RASGEF1A: variants seen among roughly 807,000 people sequenced by gnomAD.
RASGEF1A encodes ras-GEF domain-containing family member 1A.
In RASGEF1A, 18 loss-of-function variants were observed where a neutral mutation model predicts 56.4. The observed-to-expected ratio is 0.32, with a 90% CI of 0.22 to 0.47. RASGEF1A has a LOEUF of 0.47. Ranked by LOEUF, RASGEF1A falls within the 20% of genes least tolerant of loss-of-function variation. The probability of loss-of-function intolerance (pLI) is 1.00; values close to 1 mark genes in which losing one functional copy is unlikely to be tolerated. For missense variants in RASGEF1A, 422 were observed against 627.1 expected (o/e 0.67, Z 3.49); for synonymous variants, 245 against 242.6 (o/e 1.01, Z -0.09).
intron 1 of RASGEF1A, among the ~76,000 whole-genome samples, chr10:43,257,848 G>A (rs1836451744): frequency 6.6e-6 from 1 of 152,220 alleles, no homozygotes; most frequent in Non-Finnish European, 1.5e-5. Flanking sequence ...AGGGAAAGGT[G>A]TGTCCCCTAG....
rs1413349270 is a variant in RASGEF1A, at chr10:43,250,805, C to T, written c.-7+16040G>A. Among the ~76,000 whole-genome samples the T allele has an allele frequency of 3.3e-5, 5 of 152,224 alleles. No homozygotes were observed. In the East Asian group the frequency reaches 7.7e-4, roughly 23 times the overall value. ...TTCCCACCTGTCACCTGGTCAATGG[C>T]GGCTTCCCAGCTGGAAGGGGCAGAG... On this transcript the variant is annotated intron_variant, in intron 1 of 12. Transcript: ENST00000395810.
At chr10:43,266,213 C>A (rs962988854) in intron 1 of RASGEF1A, among the ~76,000 whole-genome samples, 3 of 152,194 alleles carry the variant, frequency 2.0e-5, no homozygotes, top group Admixed American at 1.3e-4. Flanking sequence ...GGACCAGAAC[C>A]AGCTGCACCT....
intron 4 of RASGEF1A, 128 bp from the exon 5 acceptor site, chr10:43,201,016 C>A: frequency 2.5e-6 from 2 of 814,094 alleles, no homozygotes; most frequent in East Asian, 2.6e-5. Context: ...CTATCTAAAC[C>A]GCAGCCTTCA....
At chr10:43,249,333 A>T (rs1369333246) in intron 1 of RASGEF1A, among the ~76,000 whole-genome samples, 1 of 152,166 alleles carries the variant, frequency 6.6e-6, no homozygotes, top group Non-Finnish European at 1.5e-5. Flanking sequence ...GTAAGCCCTC[A>T]TCCAAGTGGC....
rs533942725 is a variant in RASGEF1A, at chr10:43,196,716, G to A, written c.1349-168C>T. ...CTCAGGCTGCCTGTTGGGGACTCTA[G>A]GAAGGTTCCTCGTGTTGCAGCACCT... On this transcript the variant is annotated intron_variant, in intron 11 of 12. Coordinates refer to ENST00000395810, the MANE Select transcript of RASGEF1A (RefSeq NM_145313.4). The surrounding 1 kb of genome is among the most constrained non-coding windows in gnomAD (Gnocchi z 4.6). 7.2e-5 allele frequency among the ~76,000 whole-genome samples: 11 copies of A among 152,286 alleles called. No homozygotes were observed. The South Asian group carries it at 2.1e-3, about 29-fold the overall frequency.
At chr10:43,244,210 C>A (rs1012109301) in intron 1 of RASGEF1A, among the ~76,000 whole-genome samples, 1 of 152,174 alleles carries the variant, frequency 6.6e-6, no homozygotes. Context: ...GAGTCATCAC[C>A]GTTCCCTAAT....
Position 43,253,250 on chromosome 10 carries a change from G to A in RASGEF1A, c.-7+13595C>T, listed in dbSNP as rs112973310. Among the ~76,000 whole-genome samples the A allele has an allele frequency of 1.1e-4, 17 of 152,276 alleles. 3 individuals carry two copies. Among genetic ancestry groups the A allele is most frequent in the East Asian group, 3.9e-4 (2 of 5,176 alleles). ...GGTGCCACAACCTCCAAACTACCCC[G>A]TGTGTGGATTTGAGGTCCTTGTAGC... On this transcript the variant is annotated intron_variant, in intron 1 of 12. Transcript: ENST00000395810.
chr10:43,212,621 G>A (rs975262838), intron 1 of RASGEF1A, among the ~76,000 whole-genome samples: 1 of 152,234 alleles, frequency 6.6e-6, no homozygotes, highest in African/African-American at 2.4e-5. Context: ...CACATGGAGT[G>A]TGGCTTCCAG....
chr10:43,249,135 G>C (rs10899786), intron 1 of RASGEF1A, among the ~76,000 whole-genome samples: 1 of 152,088 alleles, frequency 6.6e-6, no homozygotes, highest in African/African-American at 2.4e-5. Flanking sequence ...GTAAGGGAGA[G>C]AGACCTGGTC....
intron 1 of RASGEF1A, among the ~76,000 whole-genome samples, chr10:43,215,414 C>G (rs1840123260): frequency 6.6e-6 from 1 of 152,234 alleles, no homozygotes; most frequent in African/African-American, 2.4e-5. Context: ...TCGCCTGTCT[C>G]CCCTCTCTTG....
chr10:43,218,263 CCTT>C (rs144120224), intron 1 of RASGEF1A, among the ~76,000 whole-genome samples: 2,343 of 152,314 alleles, frequency 0.015, 65 homozygotes, highest in African/African-American at 0.053. Flanking sequence ...ACTTCTGGGT[CCTT>C]CTCACCTCCC....
intron 1 of RASGEF1A, among the ~76,000 whole-genome samples, chr10:43,266,081 G>C (rs1468172928): frequency 6.6e-6 from 1 of 152,188 alleles, no homozygotes; most frequent in Non-Finnish European, 1.5e-5. Flanking sequence ...CGGCCTCTCT[G>C]TAAATATCCA....
chr10:43,260,158 G>A (rs192775118), intron 1 of RASGEF1A, among the ~76,000 whole-genome samples: 399 of 152,276 alleles, frequency 2.6e-3, no homozygotes, highest in Middle Eastern at 0.017. Flanking sequence ...GGCTGGTCAG[G>A]GGCCCTCCCA....
chr10:43,245,673 C>T (rs529675441), intron 1 of RASGEF1A, among the ~76,000 whole-genome samples: 19 of 152,232 alleles, frequency 1.2e-4, no homozygotes, highest in Non-Finnish European at 2.2e-4. Context: ...ATAATCATCA[C>T]AATAGATGCA....
At chr10:43,263,712 C>T (rs911009825) in intron 1 of RASGEF1A, among the ~76,000 whole-genome samples, 5 of 152,156 alleles carry the variant, frequency 3.3e-5, no homozygotes, top group African/African-American at 9.6e-5. Flanking sequence ...CAGGGCAGGG[C>T]GGGCAACCAC....
rs187635943 is a variant in RASGEF1A, at chr10:43,211,744, C to G, written c.-6-5622G>C. ...ATGCCCTTGTCCACACCCCCGCACA[C>G]CTGAGTCCTTTCCTGCAGTTGCAGA... On this transcript the variant is annotated intron_variant, in intron 1 of 12. Transcript: ENST00000395810. 1.3e-3 allele frequency among the ~76,000 whole-genome samples: 193 copies of G among 152,320 alleles called. 1 individual carries two copies. Among genetic ancestry groups the G allele is most frequent in the African/African-American group, 4.5e-3 (188 of 41,568 alleles).
rs149358205 is a variant in RASGEF1A, at chr10:43,200,120, A to C, written c.756+62T>G. 4.8e-4 allele frequency: 654 copies of C among 1,374,528 alleles called. 2 individuals carry two copies. The African/African-American group carries it at 8.4e-3, about 18-fold the overall frequency. 85.1% of individuals were successfully genotyped at this position (1,374,528 alleles called of 1,614,324 possible). A position where few individuals can be genotyped will look rare whatever the true frequency, so the allele number is the denominator to read the frequency against. On this transcript the variant is annotated intron_variant, in intron 6 of 12. Coordinates refer to ENST00000395810, the MANE Select transcript of RASGEF1A (RefSeq NM_145313.4). ...TGAGTGAGGCCCACACCCACCCTGC[A>C]TGGAGCGCAAGTGCTGGGCAGACAG... is the stretch of plus-strand genomic sequence containing the variant.
At chr10:43,208,650 G>T in intron 1 of RASGEF1A, 1 of 985,616 alleles carries the variant, frequency 1.0e-6, no homozygotes, top group Non-Finnish European at 1.2e-6. Context: ...CTTCTGTCCT[G>T]CCTACCTGGA....
chr10:43,225,970 G>A lies in RASGEF1A; in HGVS notation c.-6-19848C>T, dbSNP rs557546882. Among the ~76,000 whole-genome samples the A allele has an allele frequency of 2.6e-5, 4 of 152,184 alleles. No individual in the cohort carries two copies. The East Asian group carries it at 7.8e-4, about 30-fold the overall frequency. ...CTGGCGGCAGTCACAGTGACATTTG[G>A]GAAATGCCAGGGGCTGGGTCCCAGC... On this transcript the variant is annotated intron_variant, in intron 1 of 12. Coordinates refer to ENST00000395810, the MANE Select transcript of RASGEF1A (RefSeq NM_145313.4).
Sources: allele counts gnomAD v4.1 joint callset (sites outside exome capture counted in the v4.1 genomes callset), GRCh38; gene constraint gnomAD v4.1.1; non-coding constraint Gnocchi (gnomAD v3.1); transcripts MANE v1.5; gene names NCBI Gene and HGNC (gene_info 2026-07-23, HGNC 2026-07-21).